Variants in COL14A1 observed in about 807,000 individuals in gnomAD.
The protein encoded by COL14A1 is collagen type XIV alpha 1 chain, also known as collagen alpha-1(XIV) chain.
COL14A1 carries 136 observed loss-of-function variants against 230.3 expected under a neutral mutation model. That is an observed-to-expected ratio of 0.59 (90% CI 0.51 to 0.68). The LOEUF (loss-of-function observed/expected upper bound fraction) is 0.68, where lower values mean the gene tolerates loss of function less well. Ranked by LOEUF, COL14A1 falls within the 30% of genes least tolerant of loss-of-function variation. COL14A1 has a pLI of 0.00. For missense variants in COL14A1, 1,976 were observed against 2,215.8 expected (o/e 0.89, Z 2.17); for synonymous variants, 792 against 784.1 (o/e 1.01, Z -0.17).
At chr8:120,216,280 A>G (rs1817746827) in intron 13 of COL14A1, 71 bp from the exon 14 acceptor site, 1 of 1,322,128 alleles carries the variant, frequency 7.6e-7, no homozygotes, top group Admixed American at 2.1e-5. Flanking sequence ...TTTAGAAGTC[A>G]AAGATGCAAT....
chr8:120,139,431 G>A (rs995565429), intron 1 of COL14A1, among the ~76,000 whole-genome samples: 1 of 152,114 alleles, frequency 6.6e-6, no homozygotes, highest in Non-Finnish European at 1.5e-5. Context: ...GGCTAGAAAT[G>A]TATTTTGAAA....
chr8:120,320,692 T>G (rs1216528767), intron 40 of COL14A1, among the ~76,000 whole-genome samples: 1 of 152,186 alleles, frequency 6.6e-6, no homozygotes, highest in African/African-American at 2.4e-5. Context: ...ATCACAAAAC[T>G]AGTGGAGGGA....
At chr8:120,261,699 G>T (rs1419124724) in intron 23 of COL14A1, among the ~76,000 whole-genome samples, 2 of 152,124 alleles carry the variant, frequency 1.3e-5, no homozygotes, top group African/African-American at 2.4e-5. Flanking sequence ...GGCTGTGTAT[G>T]ACATGTCTCC....
At chr8:120,238,161 A>G (rs2130836714) in intron 19 of COL14A1, among the ~76,000 whole-genome samples, 1 of 152,272 alleles carries the variant, frequency 6.6e-6, no homozygotes, top group South Asian at 2.1e-4. Flanking sequence ...TGCTCTTTTC[A>G]GAGCCAGCAG....
At chr8:120,191,789 C>A (rs1183133516) in intron 5 of COL14A1, among the ~76,000 whole-genome samples, 1 of 152,066 alleles carries the variant, frequency 6.6e-6, no homozygotes, top group Non-Finnish European at 1.5e-5. Flanking sequence ...GATCCCTTTA[C>A]AATTATGTAA....
chr8:120,249,792 C>T (rs751191630), intron 21 of COL14A1, among the ~76,000 whole-genome samples: 11 of 152,258 alleles, frequency 7.2e-5, no homozygotes, highest in Non-Finnish European at 1.3e-4. Flanking sequence ...GAGAAATATA[C>T]ATGTATGGTC....
intron 4 of COL14A1, among the ~76,000 whole-genome samples, chr8:120,163,870 G>A (rs779934704): frequency 1.3e-5 from 2 of 151,564 alleles, no homozygotes; most frequent in Non-Finnish European, 1.5e-5. Context: ...ACAAATGTAC[G>A]CCACATGCCT....
At chr8:120,360,863 C>T (rs1396997191) in intron 45 of COL14A1, among the ~76,000 whole-genome samples, 1 of 152,060 alleles carries the variant, frequency 6.6e-6, no homozygotes, top group African/African-American at 2.4e-5. Flanking sequence ...ACCCCTTTGC[C>T]CTCTGCTCTT....
intron 45 of COL14A1, 27 bp downstream of exon 45, chr8:120,345,590 A>T: frequency 1.3e-6 from 2 of 1,496,292 alleles, no homozygotes; most frequent in Non-Finnish European, 1.8e-6. Context: ...CTCTCAGAGG[A>T]ACTCCTCTGA....
chr8:120,221,941 G>A lies in COL14A1; in HGVS notation c.1738-3147G>A, dbSNP rs538197156. On this transcript the variant is annotated intron_variant, in intron 14 of 47. Transcript: ENST00000297848. ...CCATGACAATTCAAAACATCAGAAA[G>A]CAATATGTAACTAGAGGTTAGGAAA... 2.0e-5 allele frequency among the ~76,000 whole-genome samples: 3 copies of A among 152,306 alleles called. No individual in the cohort carries two copies. The South Asian group carries it at 6.2e-4, about 32-fold the overall frequency.
chr8:120,325,521 C>A (rs1821631007), intron 40 of COL14A1, among the ~76,000 whole-genome samples: 1 of 152,114 alleles, frequency 6.6e-6, no homozygotes, highest in Non-Finnish European at 1.5e-5. Flanking sequence ...GAGACAGAGT[C>A]TCACTCTGTT....
chr8:120,357,841 C>T (rs766112377), intron 45 of COL14A1, among the ~76,000 whole-genome samples: 3 of 152,122 alleles, frequency 2.0e-5, no homozygotes, highest in Non-Finnish European at 4.4e-5. Context: ...GAGGGAAACG[C>T]AAGATGCAGC....
chr8:120,329,844 A>G (rs192979160), intron 40 of COL14A1, among the ~76,000 whole-genome samples: 1 of 152,198 alleles, frequency 6.6e-6, no homozygotes, highest in Admixed American at 6.5e-5. Flanking sequence ...GTTTAATGCA[A>G]TAAAATGAAA....
intron 4 of COL14A1, 70 bp from the exon 5 acceptor site, chr8:120,168,091 G>C: frequency 3.6e-6 from 4 of 1,120,844 alleles, no homozygotes; most frequent in Non-Finnish European, 5.2e-6. Context: ...AAGGGTTTTA[G>C]TAAAACTCAC....
chr8:120,153,991 T>C (rs898098865), intron 2 of COL14A1, among the ~76,000 whole-genome samples: 5 of 152,034 alleles, frequency 3.3e-5, no homozygotes, highest in African/African-American at 1.2e-4. Flanking sequence ...GTTGGCCCTA[T>C]GCAGTGGGGG....
intron 4 of COL14A1, among the ~76,000 whole-genome samples, chr8:120,166,927 T>TGGTGATGATGG (rs1815916450): frequency 7.5e-6 from 1 of 132,614 alleles, no homozygotes; most frequent in African/African-American, 2.9e-5. Context: ...TGTGTGGTGG[T>TGGTGATGATGG]GATGATGGTG....
At chr8:120,262,199 A>T (rs1819350300) in intron 23 of COL14A1, among the ~76,000 whole-genome samples, 1 of 152,148 alleles carries the variant, frequency 6.6e-6, no homozygotes, top group Admixed American at 6.6e-5. Flanking sequence ...TAGGCCAGGC[A>T]TGGTATCTCG....
chr8:120,124,543 C>G (rs546081910), upstream of COL14A1, among the ~76,000 whole-genome samples: 2 of 152,318 alleles, frequency 1.3e-5, no homozygotes, highest in South Asian at 4.1e-4. Flanking sequence ...ACAGAAATGT[C>G]CATTTCGATA....
chr8:120,195,582 C>G (rs762634977), intron 5 of COL14A1, among the ~76,000 whole-genome samples: 6 of 152,138 alleles, frequency 3.9e-5, no homozygotes, highest in Non-Finnish European at 8.8e-5. Flanking sequence ...TTAATGGACT[C>G]ACAGTTCCAC....
Sources: gnomAD v4.1 joint callset for allele counts (sites outside exome capture counted in the v4.1 genomes callset) on GRCh38, gnomAD v4.1.1 for gene constraint, MANE v1.5 for transcripts, NCBI Gene and HGNC (gene_info 2026-07-23, HGNC 2026-07-21) for gene names.